The following CTSZ variants were observed in gnomAD, a reference collection of about 807,000 sequenced individuals.
CTSZ encodes the protein carboxypeptidase LB.
A neutral mutation model predicts 32.4 loss-of-function variants in CTSZ; 39 were observed. That is an observed-to-expected ratio of 1.20 (90% CI 0.93 to 1.57). CTSZ has a LOEUF of 1.57. Among genes scored for constraint, CTSZ ranks in the 40% most tolerant of loss-of-function variants. The probability of loss-of-function intolerance (pLI) is 0.00; values close to 1 mark genes in which losing one functional copy is unlikely to be tolerated. For synonymous variants in CTSZ, 168 were observed against 170.1 expected (o/e 0.99, Z 0.10); for missense variants, 397 against 419.6 (o/e 0.95, Z 0.47).
chr20:59,003,379 T>C (rs1417095920), intron 2 of CTSZ, among the ~76,000 whole-genome samples: 3 of 152,192 alleles, frequency 2.0e-5, no homozygotes, highest in Non-Finnish European at 4.4e-5. Flanking sequence ...CAATCCTTCA[T>C]CCCACCAGCC....
intron 2 of CTSZ, 70 bp from the exon 3 acceptor site, chr20:59,001,714 G>A (rs1333831199): frequency 4.6e-6 from 7 of 1,517,258 alleles, no homozygotes; most frequent in Non-Finnish European, 5.4e-6. Flanking sequence ...GGACCTGGAC[G>A]CCTCAGGCGG....
At chr20:58,996,977 C>T (rs1414847072) in intron 4 of CTSZ, among the ~76,000 whole-genome samples, 176 bp from the exon 5 acceptor site, 2 of 151,910 alleles carry the variant, frequency 1.3e-5, no homozygotes, top group Admixed American at 6.6e-5. Flanking sequence ...GGCAAGATGG[C>T]GAAACCCCAC....
chr20:59,001,621 C>G lies in CTSZ; in HGVS notation c.331G>C (p.Gly111Arg), dbSNP rs762028946. 4.3e-6 allele frequency: 7 copies of G among 1,614,012 alleles called. No individual in the cohort carries two copies. Residue 111 changes from glycine (G) to arginine (R), a missense_variant, in exon 3 of 6, where the codon GGA becomes CGA. Physicochemically the swap from Gly to Arg is moderately radical, Grantham distance 125. Coordinates refer to ENST00000217131, the MANE Select transcript of CTSZ (RefSeq NM_001336.4). Reference protein sequence around the residue: ...MADRINIKRKGAWPSTLLSVQ... With the variant: ...MADRINIKRKRAWPSTLLSVQ... Reference sequence around the variant, plus strand: ...GACAGGAGGGTGGAGGGCCACGCTCCCTTCCTCTTGATGTTGATCCGATCT... The same window carrying G: ...GACAGGAGGGTGGAGGGCCACGCTCGCTTCCTCTTGATGTTGATCCGATCT...
At chr20:58,997,515 G>T in intron 4 of CTSZ, 88 bp downstream of exon 4, 1 of 1,340,624 alleles carries the variant, frequency 7.5e-7, no homozygotes, top group Non-Finnish European at 9.9e-7. Context: ...TGTCACCGCG[G>T]ATCTCTCCTC....
chr20:58,995,821 G>C lies in CTSZ; in HGVS notation c.802-62C>G, dbSNP rs1452145456. ...GCCGTCTCCCGCTCCCCTTGCTGCC[G>C]TCAGCCCCCTGCCCCCTGCTTTCTG... is the stretch of plus-strand genomic sequence containing the variant. On this transcript the variant is annotated intron_variant, in intron 5 of 5. Coordinates refer to ENST00000217131, the MANE Select transcript of CTSZ (RefSeq NM_001336.4). 2.7e-6 allele frequency: 4 copies of C among 1,464,680 alleles called. No homozygotes were observed. In the African/African-American group the frequency reaches 5.6e-5, roughly 20 times the overall value. 90.7% of individuals were successfully genotyped at this position (1,464,680 alleles called of 1,614,324 possible).
In CTSZ at chr20:59,002,700, CA is replaced by C. The variant is rs2091894532; in HGVS notation, c.308-1057del. On this transcript the variant is annotated intron_variant, in intron 2 of 5. Coordinates refer to ENST00000217131, the MANE Select transcript of CTSZ (RefSeq NM_001336.4). The surrounding 1 kb of genome is among the most constrained non-coding windows in gnomAD (Gnocchi z 4.1). ...CACGCATCACTGAAAAGTCCCAAAG[CA>C]GACCTCCATCCTGCCGCCACCCAGC... is the stretch of plus-strand genomic sequence containing the variant. 6.6e-6 allele frequency among the ~76,000 whole-genome samples: 1 copy of C among 152,168 alleles called. No individual in the cohort carries two copies. The highest frequency in any genetic ancestry group is 2.4e-5 in the African/African-American group (1 of 41,434).
chr20:59,006,953 T>TC, intron 1 of CTSZ, 33 bp downstream of exon 1: 3 of 1,373,368 alleles, frequency 2.2e-6, no homozygotes, highest in South Asian at 1.7e-5. Context: ...GGGCCTCCCG[T>TC]CCCCCCAGGG....
chr20:58,997,352 T>TG (rs2091866037), intron 4 of CTSZ: 1 of 349,622 alleles, frequency 2.9e-6, no homozygotes, highest in African/African-American at 2.1e-5. Flanking sequence ...GGGGCAGACT[T>TG]GCTATCAGCT....
Position 59,007,217 on chromosome 20 carries a change from C to A in CTSZ, c.-89G>T, listed in dbSNP as rs1267532510. On this transcript the variant is annotated 5_prime_UTR_variant, in exon 1 of 6. It adds an upstream start codon to the 5' untranslated region. Coordinates refer to ENST00000217131, the MANE Select transcript of CTSZ (RefSeq NM_001336.4). ...CTCCCGCTCTGGATCCCGCCCCGGC[C>A]TCGGCCTCGGCCCAGCACCCGGCCG... 1 of 1,198,646 alleles carries A rather than the reference C, an allele frequency of 8.3e-7. No homozygotes were observed. Among genetic ancestry groups the A allele is most frequent in the African/African-American group, 1.8e-5 (1 of 54,340 alleles). The allele number at this position is 1,198,646 out of a possible 1,614,324, so 74.3% of individuals were successfully genotyped here.
chr20:58,999,282 C>G (rs1238876703), intron 3 of CTSZ, among the ~76,000 whole-genome samples: 1 of 152,092 alleles, frequency 6.6e-6, no homozygotes, highest in Non-Finnish European at 1.5e-5. Context: ...GTGATCCGCC[C>G]GCCTCAGCCT....
chr20:58,998,552 A>AAAAAAAAGAAAGAAAGAAAGAAAG (rs368429073), intron 3 of CTSZ, among the ~76,000 whole-genome samples: 1 of 145,286 alleles, frequency 6.9e-6, no homozygotes, highest in African/African-American at 2.6e-5. Context: ...GTCTCAAAAA[A>AAAAAAAAGAAAGAAAGAAAGAAAG]AAAGAAAGAA....
At chr20:59,001,441 G>A in intron 3 of CTSZ, 24 bp downstream of exon 3, 1 of 1,592,074 alleles carries the variant, frequency 6.3e-7, no homozygotes, top group Non-Finnish European at 8.6e-7. Flanking sequence ...GGAGGGTGGA[G>A]TGGGGGCACG....
rs1295376528 is a variant in CTSZ, at chr20:58,995,216, C to T, written c.*433G>A. On this transcript the variant is annotated 3_prime_UTR_variant, in exon 6 of 6. Coordinates refer to ENST00000217131, the MANE Select transcript of CTSZ (RefSeq NM_001336.4). ...GCAGAGCCAGATACTTTATTCATCA[C>T]TTGGGCGATTTGAAACTGCCAACTC... 5.8e-6 allele frequency: 1 copy of T among 173,212 alleles called. No homozygotes were observed. Among genetic ancestry groups the T allele is most frequent in the East Asian group, 1.7e-4 (1 of 6,046 alleles). 10.7% of individuals were successfully genotyped at this position (173,212 alleles called of 1,614,324 possible).
At chr20:58,997,296 G>T in intron 4 of CTSZ, 1 of 267,910 alleles carries the variant, frequency 3.7e-6, no homozygotes. Flanking sequence ...CTGCCCCCTC[G>T]GTACAGCTTG....
At chr20:58,995,933 CT>C (rs1331531892) in intron 5 of CTSZ, among the ~76,000 whole-genome samples, 174 bp from the exon 6 acceptor site, 1 of 152,154 alleles carries the variant, frequency 6.6e-6, no homozygotes, top group Non-Finnish European at 1.5e-5. Context: ...TCTGAAATAC[CT>C]TTTGTGAAAC....
At chr20:58,997,489 G>T in intron 4 of CTSZ, 114 bp downstream of exon 4, 1 of 1,075,456 alleles carries the variant, frequency 9.3e-7, no homozygotes, top group Non-Finnish European at 1.3e-6. Context: ...GCACCGACAT[G>T]AGCCCACACT....
Position 59,006,332 on chromosome 20 carries a change from G to C in CTSZ, c.297C>G (p.Ser99Arg). 1 of 1,610,082 alleles carries C rather than the reference G, an allele frequency of 6.2e-7. No homozygotes were observed. The highest frequency in any genetic ancestry group is 8.5e-7 in the Non-Finnish European group (1 of 1,178,378). The change falls in exon 2 of 6, where the codon AGC (serine) becomes AGG (arginine). Residue 99 changes from serine (S) to arginine (R), a missense_variant. Ser to Arg is a moderately radical substitution (Grantham distance 110). Transcript: ENST00000217131. Reference protein sequence around the residue: ...CGSCWAHASTSAMADRINIKR... With the variant: ...CGSCWAHASTRAMADRINIKR... Reference sequence around the variant, plus strand: ...AGGGCGGCCACTCACCCGCCATAGCGCTGGTGCTGGCGTGGGCCCAGCAGG... The same window carrying C: ...AGGGCGGCCACTCACCCGCCATAGCCCTGGTGCTGGCGTGGGCCCAGCAGG...
chr20:59,001,052 C>G (rs554744801), intron 3 of CTSZ, among the ~76,000 whole-genome samples: 2 of 152,264 alleles, frequency 1.3e-5, no homozygotes, highest in Admixed American at 6.5e-5. Context: ...TGGTCTTGAA[C>G]TCCTGACCTC....
Position 59,007,053 on chromosome 20 carries a change from A to C in CTSZ, c.76T>G (p.Tyr26Asp). 5 of 1,469,734 alleles carry C rather than the reference A, an allele frequency of 3.4e-6. No homozygotes were observed. Among genetic ancestry groups the C allele is most frequent in the Non-Finnish European group, 3.6e-6 (4 of 1,117,280 alleles). 91.0% of individuals were successfully genotyped at this position (1,469,734 alleles called of 1,614,324 possible). The change falls in exon 1 of 6, where the codon TAC (tyrosine) becomes GAC (aspartate). Residue 26 changes from tyrosine to aspartate, a missense_variant. Transcript: ENST00000217131. ...LLAGAAQGGL[Y>D]FRRGQTCYRP... Reference sequence around the variant, plus strand: ...TAGCAGGTCTGTCCCCGGCGGAAGTAGAGGCCGCCCTGCGCCGCGCCCGCC... The same window carrying C: ...TAGCAGGTCTGTCCCCGGCGGAAGTCGAGGCCGCCCTGCGCCGCGCCCGCC...
Sources: gnomAD v4.1 joint callset for allele counts (sites outside exome capture counted in the v4.1 genomes callset) on GRCh38, gnomAD v4.1.1 for gene constraint, Gnocchi (gnomAD v3.1) non-coding constraint, MANE v1.5 for transcripts, NCBI Gene and HGNC (gene_info 2026-07-23, HGNC 2026-07-21) for gene names.